Variants in MEOX1 observed in about 807,000 individuals in gnomAD.
MEOX1 encodes the protein mesenchyme homeobox 1.
In MEOX1, 17 loss-of-function variants were observed where a neutral mutation model predicts 23.2. The ratio of observed to expected loss-of-function variants is 0.73; its 90% CI spans 0.50 to 1.10. MEOX1 has a LOEUF of 1.10. Among genes scored for constraint, MEOX1 ranks in the 50% least tolerant of loss-of-function variants. The pLI is 0.00. For missense variants in MEOX1, 333 were observed against 332.2 expected (o/e 1.00, Z -0.02); for synonymous variants, 134 against 135.1 (o/e 0.99, Z 0.06).
chr17:43,648,457 ACT>A (rs1220614463), intron 1 of MEOX1, among the ~76,000 whole-genome samples: 2 of 139,564 alleles, frequency 1.4e-5, no homozygotes, highest in African/African-American at 2.8e-5. Context: ...ACAGAGAAAG[ACT>A]CTGTCTCAAA....
At chr17:43,657,429 C>T (rs1159800244) in intron 1 of MEOX1, among the ~76,000 whole-genome samples, 2 of 151,428 alleles carry the variant, frequency 1.3e-5, no homozygotes, top group African/African-American at 2.4e-5. Context: ...TCAGGTGATC[C>T]GCCTGGCTCA....
At chr17:43,657,119 C>CTCCT (rs200875288) in intron 1 of MEOX1, among the ~76,000 whole-genome samples, 2 of 136,508 alleles carry the variant, frequency 1.5e-5, no homozygotes, top group Admixed American at 7.9e-5. Context: ...TTCTCTCTGT[C>CTCCT]TCCTTCCTTC....
intron 1 of MEOX1, among the ~76,000 whole-genome samples, chr17:43,645,109 C>G (rs1188775799): frequency 6.6e-6 from 1 of 151,508 alleles, no homozygotes; most frequent in African/African-American, 2.4e-5. Context: ...GCCACGTGGC[C>G]AGGGAATGGC....
intron 1 of MEOX1, among the ~76,000 whole-genome samples, chr17:43,656,827 G>C (rs1050318337): frequency 2.5e-4 from 38 of 152,066 alleles, no homozygotes; most frequent in African/African-American, 9.2e-4. Context: ...GAAAACAACA[G>C]TGGCCTCACA....
In MEOX1 at chr17:43,641,944, T is replaced by C. The variant is rs750079455; in HGVS notation, c.731A>G (p.Asp244Gly). ...PISPNGQDPEDGDSTASPSSE is the reference protein window; with the variant it reads ...PISPNGQDPEGGDSTASPSSE The stretch of plus-strand genomic sequence containing the variant: ...ACTTGGAGAGGCTGTGGAGTCCCCA[T>C]CCTCAGGGTCCTGCCCATTGGGGGA... Residue 244 changes from aspartate (D) to glycine (G), a missense_variant, in exon 3 of 3, where the codon GAT becomes GGT. By Grantham distance (94) the Asp-to-Gly change is moderately conservative (BLOSUM62 -1). Coordinates refer to ENST00000318579, the MANE Select transcript of MEOX1 (RefSeq NM_004527.4). 3.1e-6 allele frequency: 5 copies of C among 1,613,942 alleles called. No individual in the cohort carries two copies. The highest frequency in any genetic ancestry group is 4.5e-5 in the East Asian group (2 of 44,874).
chr17:43,653,331 G>A (rs1972953684), intron 1 of MEOX1, among the ~76,000 whole-genome samples: 1 of 150,862 alleles, frequency 6.6e-6, no homozygotes, highest in Non-Finnish European at 1.5e-5. Context: ...GTAGAGACAG[G>A]GTTTCATCAT....
Position 43,661,659 on chromosome 17 carries a change from T to C in MEOX1, c.-125A>G. The C allele has an allele frequency of 1.8e-6, 1 of 543,174 alleles. No individual in the cohort carries two copies. The highest frequency in any genetic ancestry group is 3.4e-5 in the East Asian group (1 of 29,290). 33.6% of individuals were successfully genotyped at this position (543,174 alleles called of 1,614,324 possible). On this transcript the variant is annotated 5_prime_UTR_variant, in exon 1 of 3. Coordinates refer to ENST00000318579, the MANE Select transcript of MEOX1 (RefSeq NM_004527.4). ...AGGGAAAAATGTTCAACAGAAAATT[T>C]ACCCCAGGAACCAAAAAAAAAAAAA...
At position 43,661,599 on chromosome 17, in the gene MEOX1, T is replaced by A. The variant is rs1473777964; in HGVS notation, c.-65A>T. On this transcript the variant is annotated 5_prime_UTR_variant, in exon 1 of 3. Transcript: ENST00000318579. ...ATTCTTTATACTTTTTATGTTCAAA[T>A]TTTTAAAAATGCAAAAGAAAAAAAA... 9 of 982,404 alleles carry A rather than the reference T, an allele frequency of 9.2e-6. No homozygotes were observed. Among genetic ancestry groups the A allele is most frequent in the East Asian group, 3.2e-5 (1 of 30,966 alleles). 60.9% of individuals were successfully genotyped at this position (982,404 alleles called of 1,614,324 possible).
chr17:43,654,171 T>C (rs1972968898), intron 1 of MEOX1, among the ~76,000 whole-genome samples: 1 of 152,094 alleles, frequency 6.6e-6, no homozygotes, highest in Admixed American at 6.6e-5. Flanking sequence ...GGGATTAAGT[T>C]AAAATGAGGC....
At chr17:43,642,688 A>ACAAAC (rs1972718153) in intron 2 of MEOX1, among the ~76,000 whole-genome samples, 1 of 151,866 alleles carries the variant, frequency 6.6e-6, no homozygotes, top group Admixed American at 6.6e-5. Flanking sequence ...AAAGTCCAAA[A>ACAAAC]CAAAGGGCCA....
intron 1 of MEOX1, among the ~76,000 whole-genome samples, chr17:43,657,029 T>A: frequency 7.7e-6 from 1 of 130,326 alleles, no homozygotes; most frequent in African/African-American, 2.8e-5. Flanking sequence ...TTTCTTTCTT[T>A]CTTTCTTTCT....
chr17:43,649,509 G>T (rs552305061), intron 1 of MEOX1, among the ~76,000 whole-genome samples: 27 of 152,056 alleles, frequency 1.8e-4, no homozygotes, highest in Non-Finnish European at 2.4e-4. Context: ...GTTTCTCCAC[G>T]TTGGCCAGGC....
intron 1 of MEOX1, among the ~76,000 whole-genome samples, chr17:43,655,006 C>T (rs1041366149): frequency 8.6e-5 from 13 of 151,428 alleles, no homozygotes; most frequent in Admixed American, 1.3e-4. Context: ...GAGCTGAGAT[C>T]GCGCCACTGC....
intron 1 of MEOX1, among the ~76,000 whole-genome samples, chr17:43,646,380 G>A (rs532608085): frequency 1.3e-5 from 2 of 152,342 alleles, no homozygotes; most frequent in South Asian, 4.1e-4. Flanking sequence ...CCGGCCCACG[G>A]GCCCGGAGAG....
chr17:43,643,109 G>C (rs1270935220), intron 2 of MEOX1, among the ~76,000 whole-genome samples: 1 of 151,682 alleles, frequency 6.6e-6, no homozygotes, highest in Non-Finnish European at 1.5e-5. Flanking sequence ...AGGAGTTTGA[G>C]ACCATCCTGG....
chr17:43,644,414 G>T (rs966584259), intron 1 of MEOX1, among the ~76,000 whole-genome samples: 1 of 152,212 alleles, frequency 6.6e-6, no homozygotes, highest in East Asian at 1.9e-4. Context: ...TGCCAACAGG[G>T]TCAGGGGACA....
rs187993353 is a variant in MEOX1, at chr17:43,641,652, G to A, written c.*258C>T. On this transcript the variant is annotated 3_prime_UTR_variant, in exon 3 of 3. Coordinates refer to ENST00000318579, the MANE Select transcript of MEOX1 (RefSeq NM_004527.4). ...TCTGAAGCTGTTTCCAGATTCATCCGGCCCGGTAGGATCTCTGTCTGATTC... is the reference window on the plus strand; with the variant it reads ...TCTGAAGCTGTTTCCAGATTCATCCAGCCCGGTAGGATCTCTGTCTGATTC... 546 of 377,572 alleles carry A rather than the reference G, an allele frequency of 1.4e-3. 1 individual carries two copies. Among genetic ancestry groups the A allele is most frequent in the Middle Eastern group, 8.0e-3 (11 of 1,372 alleles). The allele number at this position is 377,572 out of a possible 1,614,324, so 23.4% of individuals were successfully genotyped here.
rs375591515 is a variant in MEOX1 at position 43,661,523 on chromosome 17, C to T, written c.12G>A (p.Ala4=). The T allele has an allele frequency of 1.8e-4, 274 of 1,564,530 alleles. No individual in the cohort carries two copies. The highest frequency in any genetic ancestry group is 4.7e-4 in the Admixed American group (24 of 51,520). ...GGAGGCTCCTCATGCAGCTGCTGGC[C>T]GCGGGATCCATCTGCTGTCCGCTGC... is the stretch of plus-strand genomic sequence containing the variant. MDP[A]ASSCMRSLQP... Residue 4 remains alanine, a synonymous_variant, in exon 1 of 3, where the codon GCG becomes GCA. Transcript: ENST00000318579.
At chr17:43,646,025 G>A (rs1972804555) in intron 1 of MEOX1, among the ~76,000 whole-genome samples, 1 of 152,208 alleles carries the variant, frequency 6.6e-6, no homozygotes, top group Non-Finnish European at 1.5e-5. Context: ...GCGGGGGAGG[G>A]GCCCGATAGT....
Sources: gnomAD v4.1 joint callset for allele counts (sites outside exome capture counted in the v4.1 genomes callset) on GRCh38, gnomAD v4.1.1 for gene constraint, MANE v1.5 for transcripts, NCBI Gene and HGNC (gene_info 2026-07-23, HGNC 2026-07-21) for gene names.